Variants in OPCML observed in about 807,000 individuals in gnomAD.
OPCML encodes the protein opioid binding protein/cell adhesion molecule like.
Under a neutral mutation model 37.8 loss-of-function variants are expected in OPCML, and 13 were observed. The observed-to-expected ratio is 0.34, with a 90% confidence interval of 0.22 to 0.55. OPCML has a LOEUF of 0.55. Among genes scored for constraint, OPCML ranks in the 20% least tolerant of loss-of-function variants. OPCML has a pLI of 0.91. For missense variants in OPCML, 341 were observed against 435.6 expected (o/e 0.78, Z 1.93); for synonymous variants, 176 against 168.8 (o/e 1.04, Z -0.33).
chr11:132,878,732 T>C (rs927614260), intron 2 of OPCML, among the ~76,000 whole-genome samples: 12 of 152,110 alleles, frequency 7.9e-5, no homozygotes, highest in Admixed American at 1.3e-4. Flanking sequence ...TCTATCTATC[T>C]AATCTTTCTA....
intron 1 of OPCML, among the ~76,000 whole-genome samples, chr11:133,531,945 C>T (rs1013954135): frequency 3.3e-5 from 5 of 152,174 alleles, no homozygotes; most frequent in Non-Finnish European, 7.4e-5. Flanking sequence ...CTCCTACCCC[C>T]AGGACCACAG....
chr11:133,370,464 C>T (rs1273329441), intron 1 of OPCML, among the ~76,000 whole-genome samples: 2 of 146,488 alleles, frequency 1.4e-5, no homozygotes, highest in East Asian at 2.0e-4. Context: ...AAGGAAATCC[C>T]GTTTACAATA....
chr11:133,188,067 C>T (rs1050176511), intron 1 of OPCML, among the ~76,000 whole-genome samples: 3 of 152,194 alleles, frequency 2.0e-5, no homozygotes, highest in Admixed American at 6.5e-5. Flanking sequence ...GGTTACCTAG[C>T]TTCGGACCTC....
intron 3 of OPCML, among the ~76,000 whole-genome samples, chr11:132,641,183 C>T (rs1479520288): frequency 2.6e-5 from 4 of 152,150 alleles, no homozygotes; most frequent in Non-Finnish European, 5.9e-5. Context: ...AAACTGGGGG[C>T]CCCTCATGAC....
At chr11:133,236,897 G>A (rs1036829597) in intron 1 of OPCML, among the ~76,000 whole-genome samples, 1 of 142,076 alleles carries the variant, frequency 7.0e-6, no homozygotes, top group African/African-American at 2.5e-5. Flanking sequence ...GCAGTAGGGA[G>A]GATGCGTCAG....
At position 133,109,974 on chromosome 11, in the gene OPCML, C is replaced by G. The variant is rs79852573; in HGVS notation, c.62-166964G>C. Among the ~76,000 whole-genome samples the G allele has an allele frequency of 6.6e-5, 10 of 152,262 alleles. No homozygotes were observed. The East Asian group carries it at 1.4e-3, about 21-fold the overall frequency. On this transcript the variant is annotated intron_variant, in intron 1 of 7. Coordinates refer to ENST00000524381, the MANE Select transcript of OPCML (RefSeq NM_001012393.5). ...TTGAACCAAAGACAATTTTGCTCTCCATAGGACATTTGACAATCTCTAGAG... is the reference window on the plus strand; with the variant it reads ...TTGAACCAAAGACAATTTTGCTCTCGATAGGACATTTGACAATCTCTAGAG...
chr11:132,821,366 T>C (rs913825059), intron 2 of OPCML, among the ~76,000 whole-genome samples: 2 of 152,102 alleles, frequency 1.3e-5, no homozygotes, highest in Non-Finnish European at 2.9e-5. Context: ...GTCAGCCCTA[T>C]CCATGCCTTC....
At position 133,350,164 on chromosome 11, in the gene OPCML, A is replaced by C. The variant is rs552255303; in HGVS notation, c.61+182100T>G. The stretch of plus-strand genomic sequence containing the variant: ...AAAGGGACAGCCCCCTTTTCTGTGG[A>C]ACCAACTGCATTGGAATTCTGCTAA... On this transcript the variant is annotated intron_variant, in intron 1 of 7. Coordinates refer to ENST00000524381, the MANE Select transcript of OPCML (RefSeq NM_001012393.5). 5.3e-5 allele frequency among the ~76,000 whole-genome samples: 8 copies of C among 152,308 alleles called. No homozygotes were observed. The South Asian group carries it at 1.7e-3, about 32-fold the overall frequency.
At chr11:132,892,962 C>T (rs1489435975) in intron 2 of OPCML, among the ~76,000 whole-genome samples, 2 of 152,160 alleles carry the variant, frequency 1.3e-5, no homozygotes, top group African/African-American at 4.8e-5. Flanking sequence ...ATGTACTACT[C>T]TCCTTCTCAC....
At chr11:133,099,536 C>T (rs1350891835) in intron 1 of OPCML, among the ~76,000 whole-genome samples, 3 of 150,722 alleles carry the variant, frequency 2.0e-5, no homozygotes, top group African/African-American at 7.3e-5. Context: ...ATTCACCCAC[C>T]TTGGGCTCCC....
At chr11:133,034,308 G>GGGGTGTGTGTGT (rs1555079919) in intron 1 of OPCML, among the ~76,000 whole-genome samples, 7 of 143,536 alleles carry the variant, frequency 4.9e-5, no homozygotes, top group East Asian at 2.0e-4. Context: ...TGTATGTATA[G>GGGGTGTGTGTGT]GTGTGTGTGT....
chr11:133,432,255 G>A (rs1439596523), intron 1 of OPCML, among the ~76,000 whole-genome samples: 6 of 152,168 alleles, frequency 3.9e-5, no homozygotes. Context: ...GAAAAAAAGA[G>A]AAATCAGTTC....
At chr11:132,448,378 G>A (rs1299178429) in intron 4 of OPCML, among the ~76,000 whole-genome samples, 1 of 152,158 alleles carries the variant, frequency 6.6e-6, no homozygotes, top group African/African-American at 2.4e-5. Context: ...AGCACAATTG[G>A]CATGCAAGCC....
At chr11:132,812,505 T>C (rs897704129) in intron 2 of OPCML, among the ~76,000 whole-genome samples, 1 of 152,120 alleles carries the variant, frequency 6.6e-6, no homozygotes, top group African/African-American at 2.4e-5. Context: ...AACTGAAAGC[T>C]GAGGCAAGAC....
At chr11:132,946,863 G>A (rs1428967638) in intron 1 of OPCML, among the ~76,000 whole-genome samples, 1 of 152,302 alleles carries the variant, frequency 6.6e-6, no homozygotes, top group South Asian at 2.1e-4. Flanking sequence ...GATTGACATT[G>A]TACTTCAACC....
At chr11:133,426,386 A>AAC (rs566561604) in intron 1 of OPCML, among the ~76,000 whole-genome samples, 83 of 152,046 alleles carry the variant, frequency 5.5e-4, no homozygotes, top group Admixed American at 1.8e-3. Context: ...GGAAAAAAGA[A>AAC]ACACACACAC....
chr11:133,309,120 A>G (rs1180260725), intron 1 of OPCML, among the ~76,000 whole-genome samples: 1 of 152,186 alleles, frequency 6.6e-6, no homozygotes, highest in Non-Finnish European at 1.5e-5. Context: ...TGAATACTCA[A>G]AAAAATGGGC....
At chr11:133,033,556 G>A (rs1171563910) in intron 1 of OPCML, among the ~76,000 whole-genome samples, 1 of 152,076 alleles carries the variant, frequency 6.6e-6, no homozygotes, top group African/African-American at 2.4e-5. Context: ...CAACTTCCAG[G>A]GAATAAAGCT....
intron 4 of OPCML, among the ~76,000 whole-genome samples, chr11:132,468,250 C>T (rs988711763): frequency 4.6e-5 from 7 of 152,156 alleles, no homozygotes; most frequent in African/African-American, 1.7e-4. Flanking sequence ...ATTGTAAATG[C>T]CCCTGTAGCC....
Sources: gnomAD v4.1 joint callset for allele counts (sites outside exome capture counted in the v4.1 genomes callset) on GRCh38, gnomAD v4.1.1 for gene constraint, MANE v1.5 for transcripts, NCBI Gene and HGNC (gene_info 2026-07-23, HGNC 2026-07-21) for gene names.